Variants in MARCHF1 observed in about 807,000 individuals in gnomAD.
The protein encoded by MARCHF1 is membrane associated ring-CH-type finger 1.
MARCHF1 carries 40 observed loss-of-function variants against 54.2 expected under a neutral mutation model. The ratio of observed to expected loss-of-function variants is 0.74; its 90% confidence interval spans 0.57 to 0.96. MARCHF1 has a LOEUF of 0.96. Among genes scored for constraint, MARCHF1 ranks in the 40% least tolerant of loss-of-function variants. MARCHF1 has a pLI of 0.00. For synonymous variants in MARCHF1, 236 were observed against 236.3 expected, an observed-to-expected ratio of 1.00 and a Z score of 0.01; for missense variants, 586 against 656.5, an observed-to-expected ratio of 0.89 and a Z score of 1.17.
In MARCHF1 at chr4:164,357,249, C is replaced by T. The variant is rs563017231; in HGVS notation, c.-323+26621G>A. Among the ~76,000 whole-genome samples the T allele has an allele frequency of 1.2e-4, 18 of 152,118 alleles. No individual in the cohort carries two copies. The South Asian group carries it at 2.1e-3, about 18-fold the overall frequency. On this transcript the variant is annotated intron_variant, in intron 1 of 9. Transcript: ENST00000514618. ...ATGACCAGGGCTCATTCATTTTTCG[C>T]GACTGTGAGGGGAGAATCTGTATCT...
At chr4:164,212,719 T>C (rs749852623) in intron 1 of MARCHF1, among the ~76,000 whole-genome samples, 1 of 152,212 alleles carries the variant, frequency 6.6e-6, no homozygotes, top group Non-Finnish European at 1.5e-5. Flanking sequence ...ATGGGTTCGG[T>C]ATCCCTTGAA....
At chr4:164,140,010 A>G (rs1004409307) in intron 1 of MARCHF1, among the ~76,000 whole-genome samples, 1 of 152,054 alleles carries the variant, frequency 6.6e-6, no homozygotes, top group African/African-American at 2.4e-5. Flanking sequence ...GGTATAACCT[A>G]TATCATAAAT....
chr4:164,366,846 T>C (rs1478260264), intron 1 of MARCHF1, among the ~76,000 whole-genome samples: 2 of 152,010 alleles, frequency 1.3e-5, no homozygotes, highest in Non-Finnish European at 2.9e-5. Context: ...AGGGTAATTT[T>C]CTTATTTCTA....
At chr4:163,838,821 A>T (rs1261280574) in intron 4 of MARCHF1, among the ~76,000 whole-genome samples, 1 of 152,042 alleles carries the variant, frequency 6.6e-6, no homozygotes, top group Non-Finnish European at 1.5e-5. Flanking sequence ...CACAGGAGTA[A>T]ATCTTTGTGA....
In MARCHF1 at chr4:163,733,207, A is replaced by ACACACATG. The variant is rs1451169238; in HGVS notation, c.112-32345_112-32344insCATGTGTG. On this transcript the variant is annotated intron_variant, in intron 4 of 9. Transcript: ENST00000514618. The stretch of plus-strand genomic sequence containing the variant: ...TATATATATATATATATATATATAT[A>ACACACATG]TATATATATATATACACGTGTATAT... Among the ~76,000 whole-genome samples the ACACACATG allele has an allele frequency of 1.0e-3, 20 of 19,218 alleles. 1 individual carries two copies. The highest frequency in any genetic ancestry group is 1.8e-3 in the African/African-American group (19 of 10,730). 12.6% of individuals were successfully genotyped at this position (19,218 alleles called of 152,430 possible).
chr4:163,791,559 G>A (rs963349344), intron 4 of MARCHF1, among the ~76,000 whole-genome samples: 7 of 152,038 alleles, frequency 4.6e-5, no homozygotes, highest in Admixed American at 1.3e-4. Flanking sequence ...ATTGACAAGC[G>A]TGGATACTAT....
chr4:164,007,321 G>A (rs1469364257), intron 2 of MARCHF1, among the ~76,000 whole-genome samples: 1 of 137,922 alleles, frequency 7.3e-6, no homozygotes, highest in Admixed American at 7.7e-5. Flanking sequence ...ACTCCAGCCT[G>A]GGCGACAGAG....
intron 4 of MARCHF1, among the ~76,000 whole-genome samples, chr4:163,821,457 A>G (rs1054476596): frequency 6.6e-6 from 1 of 152,060 alleles, no homozygotes; most frequent in Admixed American, 6.6e-5. Context: ...AAAACATTAA[A>G]GACAAATAAA....
intron 1 of MARCHF1, among the ~76,000 whole-genome samples, chr4:164,345,671 G>C (rs760008175): frequency 6.6e-6 from 1 of 150,982 alleles, no homozygotes; most frequent in African/African-American, 2.4e-5. Context: ...AACACATCAC[G>C]CAAATTTGAC....
chr4:163,953,777 T>G (rs1752179916), intron 3 of MARCHF1, among the ~76,000 whole-genome samples: 1 of 152,206 alleles, frequency 6.6e-6, no homozygotes, highest in South Asian at 2.1e-4. Context: ...TCATGTCAAA[T>G]TGAAATTTCA....
At chr4:164,275,081 A>G (rs925576197) in intron 1 of MARCHF1, among the ~76,000 whole-genome samples, 7 of 151,568 alleles carry the variant, frequency 4.6e-5, no homozygotes, top group African/African-American at 1.7e-4. Flanking sequence ...CCTTTAATAA[A>G]AATATAAAGG....
intron 1 of MARCHF1, among the ~76,000 whole-genome samples, chr4:164,241,523 GC>G (rs1300501674): frequency 6.6e-6 from 1 of 152,044 alleles, no homozygotes; most frequent in African/African-American, 2.4e-5. Context: ...TTGTCAAGAG[GC>G]CTAAAATCAA....
chr4:163,844,364 C>T (rs1749426609), intron 4 of MARCHF1, among the ~76,000 whole-genome samples: 1 of 152,104 alleles, frequency 6.6e-6, no homozygotes, highest in Non-Finnish European at 1.5e-5. Context: ...TTTCTCCCAT[C>T]CTATATGTTG....
chr4:164,212,267 T>G (rs985968814), intron 1 of MARCHF1, among the ~76,000 whole-genome samples: 1 of 152,222 alleles, frequency 6.6e-6, no homozygotes. Flanking sequence ...TTAATCATCA[T>G]GATAGCCATA....
intron 4 of MARCHF1, among the ~76,000 whole-genome samples, chr4:163,741,723 A>G (rs1211855433): frequency 3.3e-5 from 5 of 152,134 alleles, no homozygotes; most frequent in African/African-American, 9.7e-5. Flanking sequence ...GTCTCACAGG[A>G]TATCTGGCTT....
intron 4 of MARCHF1, among the ~76,000 whole-genome samples, chr4:163,750,385 G>C (rs35375344): frequency 0.38 from 57,083 of 151,032 alleles, 11,166 homozygotes; most frequent in Non-Finnish European, 0.43. Context: ...GTGGCAGGCA[G>C]CTGTAGTCCC....
intron 4 of MARCHF1, among the ~76,000 whole-genome samples, chr4:163,741,304 G>C: frequency 6.6e-6 from 1 of 152,152 alleles, no homozygotes; most frequent in Non-Finnish European, 1.5e-5. Flanking sequence ...ATGTGTACAG[G>C]CCGGGTGTGG....
chr4:163,647,814 A>T (rs548628002), intron 5 of MARCHF1, among the ~76,000 whole-genome samples: 2 of 151,870 alleles, frequency 1.3e-5, no homozygotes, highest in Non-Finnish European at 2.9e-5. Context: ...AAAAATCTCA[A>T]ATAAATAACC....
At chr4:163,738,669 A>G (rs965405409) in intron 4 of MARCHF1, among the ~76,000 whole-genome samples, 1 of 152,226 alleles carries the variant, frequency 6.6e-6, no homozygotes, top group Non-Finnish European at 1.5e-5. Context: ...CATGTTCCCA[A>G]ATAGCAGTTC....
Sources: allele counts gnomAD v4.1 joint callset (sites outside exome capture counted in the v4.1 genomes callset), GRCh38; gene constraint gnomAD v4.1.1; transcripts MANE v1.5; gene names NCBI Gene and HGNC (gene_info 2026-07-23, HGNC 2026-07-21).